Variants in PPP1R13L observed in about 807,000 individuals in gnomAD.
PPP1R13L encodes relA-associated inhibitor.
Under a neutral mutation model 80.9 loss-of-function variants are expected in PPP1R13L, and 50 were observed. The ratio of observed to expected loss-of-function variants is 0.62; its 90% CI spans 0.49 to 0.78. The LOEUF is 0.78. Ranked by LOEUF, PPP1R13L falls within the 30% of genes least tolerant of loss-of-function variation. The pLI, the probability that PPP1R13L is intolerant of heterozygous loss-of-function variation, is 0.00. For synonymous variants in PPP1R13L, 602 were observed against 534.3 expected, an observed-to-expected ratio of 1.13 and a Z score of -1.75; for missense variants, 1,200 against 1,205.9, an observed-to-expected ratio of 1.00 and a Z score of 0.07.
At chr19:45,383,293 C>CTT (rs1164667426) in intron 11 of PPP1R13L, among the ~76,000 whole-genome samples, 2,120 of 62,756 alleles carry the variant, frequency 0.034, 118 homozygotes, top group African/African-American at 0.053. Flanking sequence ...CGCGCCCGGC[C>CTT]TTTTTTTTTT....
intron 11 of PPP1R13L, among the ~76,000 whole-genome samples, chr19:45,385,274 C>T (rs1374849256): frequency 4.6e-5 from 7 of 152,224 alleles, no homozygotes; most frequent in Admixed American, 4.6e-4. Flanking sequence ...AAACGTTCAG[C>T]TCCTCACCCT....
In PPP1R13L at chr19:45,382,737, C is replaced by T. The variant is rs777855359; in HGVS notation, c.2249-11G>A. The T allele has an allele frequency of 6.8e-6, 11 of 1,613,498 alleles. No individual in the cohort carries two copies. The South Asian group carries it at 1.1e-4, about 16-fold the overall frequency. On this transcript the variant is annotated splice_polypyrimidine_tract_variant and intron_variant, in intron 11 of 12. Coordinates refer to ENST00000360957, the MANE Select transcript of PPP1R13L (RefSeq NM_006663.4). Reference sequence around the variant, plus strand: ...TACTCTGCTCGACGTCTGAAACATGCCACGGAGGGGAAGGTGAGAGCCTGG... The same window carrying T: ...TACTCTGCTCGACGTCTGAAACATGTCACGGAGGGGAAGGTGAGAGCCTGG...
chr19:45,395,270 T>A (rs1353725593), intron 7 of PPP1R13L, 166 bp downstream of exon 7: 4 of 911,396 alleles, frequency 4.4e-6, no homozygotes, highest in Non-Finnish European at 6.9e-6. Context: ...GAGCTATCCC[T>A]GGCTCCTACC....
At chr19:45,382,909 C>G (rs1277008546) in intron 11 of PPP1R13L, among the ~76,000 whole-genome samples, 183 bp from the exon 12 acceptor site, 2 of 152,026 alleles carry the variant, frequency 1.3e-5, no homozygotes, top group Non-Finnish European at 2.9e-5. Context: ...GACTGGCCGT[C>G]TTTGAGCGTT....
Position 45,404,996 on chromosome 19 carries a change from C to CACGGATCCGG in PPP1R13L, c.-29_-22+2dup. Reference sequence around the variant, plus strand: ...CTCTGGTCCCCAGGAGGGTGAAACTCACGGATCCGGGCAGATCCTGGCACC... The same window carrying CACGGATCCGG: ...CTCTGGTCCCCAGGAGGGTGAAACTCACGGATCCGGACGGATCCGGGCAGATCCTGGCACC... On this transcript the variant is annotated splice_region_variant and intron_variant, in intron 1 of 12. Transcript: ENST00000360957. The CACGGATCCGG allele has an allele frequency of 1.0e-6, 1 of 985,906 alleles. No homozygotes were observed. Among genetic ancestry groups the CACGGATCCGG allele is most frequent in the Non-Finnish European group, 1.2e-6 (1 of 829,962 alleles). 61.1% of individuals were successfully genotyped at this position (985,906 alleles called of 1,614,324 possible).
Position 45,385,940 on chromosome 19 carries a change from C to A in PPP1R13L, c.1965G>T (p.Gln655His), listed in dbSNP as rs750246266. 20 of 1,611,912 alleles carry A rather than the reference C, an allele frequency of 1.2e-5. No homozygotes were observed. The African/African-American group carries it at 1.5e-4, about 12-fold the overall frequency. The change falls in exon 10 of 13, where the codon CAG (glutamine) becomes CAT (histidine). Residue 655 changes from glutamine (Q) to histidine (H), a missense_variant. Coordinates refer to ENST00000360957, the MANE Select transcript of PPP1R13L (RefSeq NM_006663.4). ...QAVKEMNDPS[Q>H]PNEEGITALH... ...AGGCAGTGATGCCCTCCTCGTTGGG[C>A]TGGCTCGGGTCGTTCATCTGAGTGC... is the stretch of plus-strand genomic sequence containing the variant.
chr19:45,396,812 CG>C lies in PPP1R13L; in HGVS notation c.444del (p.Ala149GlnfsTer75). Reference sequence around the variant, plus strand: ...GGCGCACGGCCGAGGGAGCTGCCTGCGCCATCGAAGGCGCGGGGCCGGGGCG... The same window carrying C: ...GGCGCACGGCCGAGGGAGCTGCCTGCCCATCGAAGGCGCGGGGCCGGGGCG... ...ATSPRPRAFD[G>X]AGSSLGRAPS... On this transcript the variant is annotated frameshift_variant, in exon 4 of 13. Coordinates refer to ENST00000360957, the MANE Select transcript of PPP1R13L (RefSeq NM_006663.4). LOFTEE classifies it high-confidence loss of function. The surrounding 1 kb of genome is among the most constrained non-coding windows in gnomAD (Gnocchi z 5.3). The C allele has an allele frequency of 7.0e-7, 1 of 1,436,106 alleles. No individual in the cohort carries two copies. Among genetic ancestry groups the C allele is most frequent in the Non-Finnish European group, 9.1e-7 (1 of 1,102,694 alleles). 89.0% of individuals were successfully genotyped at this position (1,436,106 alleles called of 1,614,324 possible). A position where few individuals can be genotyped will look rare whatever the true frequency, so the allele number is the denominator to read the frequency against.
intron 8 of PPP1R13L, among the ~76,000 whole-genome samples, chr19:45,390,788 G>T (rs139651418): frequency 4.6e-5 from 7 of 152,090 alleles, no homozygotes; most frequent in African/African-American, 7.2e-5. Flanking sequence ...GTTTCACCAT[G>T]TTGGTCAGGC....
intron 7 of PPP1R13L, among the ~76,000 whole-genome samples, chr19:45,393,405 A>G (rs1973019716): frequency 6.6e-6 from 1 of 151,728 alleles, no homozygotes; most frequent in East Asian, 1.9e-4. Context: ...AGCCTGGCCA[A>G]CATGGCAAAA....
chr19:45,405,086 GA>G, upstream of PPP1R13L: 2 of 984,254 alleles, frequency 2.0e-6, no homozygotes, highest in Non-Finnish European at 1.2e-6. Flanking sequence ...CAGGAGCTGG[GA>G]ACAGGTTAGA....
chr19:45,399,545 A>G (rs953026420), intron 1 of PPP1R13L, among the ~76,000 whole-genome samples: 6 of 151,514 alleles, frequency 4.0e-5, no homozygotes, highest in African/African-American at 1.4e-4. Flanking sequence ...AACGGCGTGA[A>G]CCCGGGAGGT....
chr19:45,397,499 T>TTTCTTTCTTTCC (rs1973135359), intron 3 of PPP1R13L, among the ~76,000 whole-genome samples: 1 of 135,570 alleles, frequency 7.4e-6, no homozygotes, highest in South Asian at 2.3e-4. Context: ...TCTTTCTTTC[T>TTTCTTTCTTTCC]TTCTTTCTTT....
At chr19:45,399,643 A>G (rs113086583) in intron 1 of PPP1R13L, among the ~76,000 whole-genome samples, 7 of 150,208 alleles carry the variant, frequency 4.7e-5, no homozygotes, top group Non-Finnish European at 8.9e-5. Flanking sequence ...AAATAAATAA[A>G]TATGTTTAAA....
At chr19:45,383,526 C>T (rs1170202938) in intron 11 of PPP1R13L, among the ~76,000 whole-genome samples, 2 of 145,702 alleles carry the variant, frequency 1.4e-5, no homozygotes, top group East Asian at 4.2e-4. Flanking sequence ...AACTCCTGAC[C>T]TCAAGTGATC....
At chr19:45,381,059 T>TAA (rs1458452123) in intron 12 of PPP1R13L, among the ~76,000 whole-genome samples, 2 of 147,580 alleles carry the variant, frequency 1.4e-5, no homozygotes, top group Non-Finnish European at 3.0e-5. Context: ...TATTTATATA[T>TAA]TATATATTTA....
intron 7 of PPP1R13L, 200 bp from the exon 8 acceptor site, chr19:45,392,540 A>G: frequency 1.5e-6 from 1 of 689,562 alleles, no homozygotes; most frequent in African/African-American, 1.7e-5. Flanking sequence ...AGCAGTTAGT[A>G]TGTGCCTGGC....
At chr19:45,394,497 T>C (rs1000613135) in intron 7 of PPP1R13L, among the ~76,000 whole-genome samples, 2 of 151,908 alleles carry the variant, frequency 1.3e-5, no homozygotes, top group African/African-American at 4.8e-5. Flanking sequence ...TATTTATTTA[T>C]TTTTGAGACA....
intron 8 of PPP1R13L, among the ~76,000 whole-genome samples, chr19:45,390,353 T>C (rs189549959): frequency 6.6e-6 from 1 of 152,080 alleles, no homozygotes; most frequent in East Asian, 1.9e-4. Flanking sequence ...AGAAGTACGA[T>C]AAATAGCTAG....
At position 45,395,499 on chromosome 19, in the gene PPP1R13L, G is replaced by T; in HGVS notation, c.1291C>A (p.Gln431Lys). The T allele has an allele frequency of 1.3e-6, 2 of 1,485,844 alleles. No homozygotes were observed. The highest frequency in any genetic ancestry group is 9.0e-7 in the Non-Finnish European group (1 of 1,105,880). 92.0% of individuals were successfully genotyped at this position (1,485,844 alleles called of 1,614,324 possible). A position where few individuals can be genotyped will look rare whatever the true frequency, so the allele number is the denominator to read the frequency against. Residue 431 changes from glutamine (Q) to lysine (K), a missense_variant, in exon 7 of 13, where the codon CAA (glutamine) becomes AAA (lysine). Around this residue, in one of 5 missense-constraint regions of PPP1R13L, gnomAD observed 764 missense variants for 714.5 expected, o/e 1.07. Coordinates refer to ENST00000360957, the MANE Select transcript of PPP1R13L (RefSeq NM_006663.4). ...GGGGCTGGGGTAGGGGTTTGGGGTTGGGTCTGGGGCTGTGGGGGCAGCTGG... is the reference window on the plus strand; with the variant it reads ...GGGGCTGGGGTAGGGGTTTGGGGTTTGGTCTGGGGCTGTGGGGGCAGCTGG... ...QPQLPPQPQT[Q>K]PQTPTPAPQH...
Sources: allele counts gnomAD v4.1 joint callset (sites outside exome capture counted in the v4.1 genomes callset), GRCh38; gene constraint gnomAD v4.1.1; regional missense constraint gnomAD v4.1.1; non-coding constraint Gnocchi (gnomAD v3.1); transcripts MANE v1.5; gene names NCBI Gene and HGNC (gene_info 2026-07-23, HGNC 2026-07-21).